HCLS1: variants seen among roughly 807,000 people sequenced by gnomAD.
HCLS1 encodes the protein hematopoietic lineage cell-specific protein.
A neutral mutation model predicts 68.6 loss-of-function variants in HCLS1; 44 were observed. The ratio of observed to expected loss-of-function variants is 0.64; its 90% CI spans 0.50 to 0.82. The LOEUF is 0.82. Ranked by LOEUF, HCLS1 falls within the 40% of genes least tolerant of loss-of-function variation. The pLI is 0.00. For missense variants in HCLS1, 602 were observed against 612.1 expected (o/e 0.98, Z 0.17); for synonymous variants, 217 against 225.8 (o/e 0.96, Z 0.35).
At chr3:121,641,205 TA>T (rs942386621) in intron 6 of HCLS1, among the ~76,000 whole-genome samples, 5 of 151,438 alleles carry the variant, frequency 3.3e-5, no homozygotes, top group East Asian at 1.9e-4. Flanking sequence ...AATCTTTAAT[TA>T]AAAAAAACCC....
chr3:121,634,684 T>G (rs1413511108), intron 9 of HCLS1, among the ~76,000 whole-genome samples: 1 of 150,856 alleles, frequency 6.6e-6, no homozygotes, highest in Non-Finnish European at 1.5e-5. Flanking sequence ...CAGGCTAGAG[T>G]GCAGTGGTGC....
At chr3:121,652,591 C>A (rs1298370059) in intron 3 of HCLS1, among the ~76,000 whole-genome samples, 3 of 151,804 alleles carry the variant, frequency 2.0e-5, no homozygotes, top group African/African-American at 7.3e-5. Flanking sequence ...GAGGCAGAGG[C>A]GGAGGTTTCA....
chr3:121,636,999 G>C, intron 7 of HCLS1, 147 bp downstream of exon 7: 1 of 636,304 alleles, frequency 1.6e-6, no homozygotes, highest in African/African-American at 1.8e-5. Flanking sequence ...ACCACCACCT[G>C]TCCCCACACA....
At chr3:121,635,237 T>C (rs1015686518) in intron 9 of HCLS1, among the ~76,000 whole-genome samples, 27 of 114,446 alleles carry the variant, frequency 2.4e-4, no homozygotes, top group Admixed American at 1.9e-3. Context: ...TCTCTCCCTT[T>C]TCTCTCTCTC....
chr3:121,642,713 C>A lies in HCLS1; in HGVS notation c.454+214G>T, dbSNP rs186477115. Among the ~76,000 whole-genome samples the A allele has an allele frequency of 3.6e-3, 541 of 151,460 alleles. 3 individuals are homozygous for A. The highest frequency in any genetic ancestry group is 0.013 in the African/African-American group (519 of 41,284). ...ATCGCTTGAGCCCAGGAAGTCGAAG[C>A]TGCAGTGACCCATGATTGTGTCACT... On this transcript the variant is annotated intron_variant, in intron 6 of 13. Transcript: ENST00000314583.
At chr3:121,641,459 A>G (rs938206763) in intron 6 of HCLS1, among the ~76,000 whole-genome samples, 1 of 152,232 alleles carries the variant, frequency 6.6e-6, no homozygotes, top group Non-Finnish European at 1.5e-5. Context: ...ACAATAAGCA[A>G]TGTTGAGCTA....
chr3:121,633,275 G>A, intron 10 of HCLS1, 104 bp from the exon 11 acceptor site: 1 of 722,610 alleles, frequency 1.4e-6, no homozygotes, highest in East Asian at 2.8e-5. Flanking sequence ...GAGTGCAGTG[G>A]TGCGATCTCA....
At chr3:121,635,235 T>TTTTC (rs775030525) in intron 9 of HCLS1, among the ~76,000 whole-genome samples, 1 of 81,480 alleles carries the variant, frequency 1.2e-5, no homozygotes, top group African/African-American at 5.7e-5. Context: ...CTTCTCTCCC[T>TTTTC]TTTCTCTCTC....
intron 3 of HCLS1, chr3:121,655,702 T>A (rs1022990291): frequency 7.6e-5 from 11 of 145,502 alleles, no homozygotes; most frequent in Non-Finnish European, 1.5e-4. Flanking sequence ...TTTTTTTTGA[T>A]CTATGAGTCT....
intron 4 of HCLS1, among the ~76,000 whole-genome samples, chr3:121,645,605 G>A (rs1650024632): frequency 6.6e-6 from 1 of 151,994 alleles, no homozygotes; most frequent in Non-Finnish European, 1.5e-5. Context: ...CAATGTGGTT[G>A]GGGCTACAAC....
intron 6 of HCLS1, among the ~76,000 whole-genome samples, chr3:121,641,778 G>T (rs925052937): frequency 6.6e-6 from 1 of 151,864 alleles, no homozygotes; most frequent in Non-Finnish European, 1.5e-5. Context: ...AAAAAAGAGG[G>T]ATTCAAAAAC....
chr3:121,649,096 A>G (rs1353871602), intron 3 of HCLS1, among the ~76,000 whole-genome samples: 1 of 152,214 alleles, frequency 6.6e-6, no homozygotes, highest in Non-Finnish European at 1.5e-5. Context: ...AGAAAATGAT[A>G]CTCAGAAATA....
intron 3 of HCLS1, among the ~76,000 whole-genome samples, chr3:121,649,230 G>A (rs189252068): frequency 6.6e-6 from 1 of 151,260 alleles, no homozygotes; most frequent in Admixed American, 6.6e-5. Flanking sequence ...TTCTAAACAG[G>A]TCTTTATTAT....
intron 3 of HCLS1, among the ~76,000 whole-genome samples, chr3:121,651,335 TATGA>T (rs1210171154): frequency 6.6e-6 from 1 of 152,198 alleles, no homozygotes; most frequent in Non-Finnish European, 1.5e-5. Flanking sequence ...TATGAAGATA[TATGA>T]ATGGCAAATG....
intron 9 of HCLS1, 148 bp from the exon 10 acceptor site, chr3:121,634,566 A>G (rs2049131601): frequency 1.4e-6 from 1 of 733,798 alleles, no homozygotes; most frequent in Non-Finnish European, 2.3e-6. Context: ...ATAGAGGAAC[A>G]AGGGATAATA....
rs926403093 is a variant in HCLS1, at chr3:121,638,628, AT to A, written c.455-1373del. Among the ~76,000 whole-genome samples the A allele has an allele frequency of 5.9e-5, 9 of 152,132 alleles. No individual in the cohort carries two copies. The South Asian group carries it at 1.9e-3, about 32-fold the overall frequency. On this transcript the variant is annotated intron_variant, in intron 6 of 13. Coordinates refer to ENST00000314583, the MANE Select transcript of HCLS1 (RefSeq NM_005335.6). Reference sequence around the variant, plus strand: ...ATCTGAGTGTAGAATGCAAATACACATTTTTTTTCCACTTATGTGATGCAGG... The same window carrying A: ...ATCTGAGTGTAGAATGCAAATACACATTTTTTTCCACTTATGTGATGCAGG...
intron 6 of HCLS1, among the ~76,000 whole-genome samples, chr3:121,641,794 C>G (rs1054870931): frequency 6.6e-6 from 1 of 151,978 alleles, no homozygotes; most frequent in Non-Finnish European, 1.5e-5. Flanking sequence ...AAAACTTGAT[C>G]AATATGGCCA....
intron 2 of HCLS1, 45 bp downstream of exon 2, chr3:121,658,219 A>C (rs752903669): frequency 7.2e-7 from 1 of 1,393,148 alleles, no homozygotes; most frequent in Non-Finnish European, 1.0e-6. Flanking sequence ...TGCCCTCCTC[A>C]CCCCACCCTC....
chr3:121,636,461 A>T lies in HCLS1; in HGVS notation c.594T>A (p.Tyr198Ter), dbSNP rs1420839797. ...RDYAKGFGGQ[Y>*]GIQKDRVDKS... is the part of the protein sequence containing the mutation. ...TATCCACTCGGTCCTTCTGGATTCC[A>T]TACTGGCCACCAAAGCCCTTGGCAT... Residue 198 changes from tyrosine to a stop codon, truncating the protein, a stop_gained, in exon 8 of 14, where the codon TAT becomes TAA. Transcript: ENST00000314583. LOFTEE classifies it high-confidence loss of function. 2.5e-6 allele frequency: 4 copies of T among 1,613,780 alleles called. No homozygotes were observed. Among genetic ancestry groups the T allele is most frequent in the Non-Finnish European group, 3.4e-6 (4 of 1,179,778 alleles).
Sources: gnomAD v4.1 joint callset for allele counts (sites outside exome capture counted in the v4.1 genomes callset) on GRCh38, gnomAD v4.1.1 for gene constraint, MANE v1.5 for transcripts, NCBI Gene and HGNC (gene_info 2026-07-23, HGNC 2026-07-21) for gene names.